Variants in TMEM50B observed in about 807,000 individuals in gnomAD.
TMEM50B encodes HCV p7-trans-regulated protein 3.
A neutral mutation model predicts 23.4 loss-of-function variants in TMEM50B; 14 were observed. The ratio of observed to expected loss-of-function variants is 0.60; its 90% CI spans 0.39 to 0.93. The LOEUF is 0.93. TMEM50B is among the 40% of genes least tolerant of loss of function. The probability of loss-of-function intolerance (pLI) is 0.00; values close to 1 mark genes in which losing one functional copy is unlikely to be tolerated. For synonymous variants in TMEM50B, 64 were observed against 62.3 expected, an observed-to-expected ratio of 1.03 and a Z score of -0.13; for missense variants, 159 against 193.0, an observed-to-expected ratio of 0.82 and a Z score of 1.04.
chr21:33,436,782 C>G (rs747875445), intron 8 of TMEM50B: 1 of 1,555,710 alleles, frequency 6.4e-7, no homozygotes, highest in Non-Finnish European at 8.9e-7. Flanking sequence ...GTCTGGTATA[C>G]TGAACTGGTA....
intron 1 of TMEM50B, among the ~76,000 whole-genome samples, chr21:33,474,160 T>A (rs1414587675): frequency 1.3e-5 from 2 of 151,350 alleles, no homozygotes; most frequent in African/African-American, 4.9e-5. Context: ...ATATACTGTA[T>A]CTCAACAAAG....
intron 8 of TMEM50B, chr21:33,432,809 T>G: frequency 6.2e-7 from 1 of 1,613,930 alleles, no homozygotes; most frequent in Non-Finnish European, 8.5e-7. Context: ...GGTCCTGAAA[T>G]ATAGAGGCCT....
At position 33,441,989 on chromosome 21, in the gene TMEM50B, G is replaced by A. The variant is rs1010661251; in HGVS notation, c.*2037-2692C>T. 2.1e-5 allele frequency among the ~76,000 whole-genome samples: 3 copies of A among 142,636 alleles called. No individual in the cohort carries two copies. The East Asian group carries it at 6.5e-4, about 31-fold the overall frequency. 93.6% of individuals were successfully genotyped at this position (142,636 alleles called of 152,430 possible). A position where few individuals can be genotyped will look rare whatever the true frequency, so the allele number is the denominator to read the frequency against. On this transcript the variant is annotated intron_variant and NMD_transcript_variant, in intron 7 of 8. Coordinates refer to the TMEM50B transcript ENST00000420455. ...TGAGAATCCTTCATGGCCTTCCCCA[G>A]CTCTATTTGTCAGGGTTTTTTATTT...
chr21:33,459,481 C>T (rs1000380602), intron 5 of TMEM50B, among the ~76,000 whole-genome samples: 17 of 151,982 alleles, frequency 1.1e-4, no homozygotes, highest in African/African-American at 3.9e-4. Context: ...GCCTGGCCAA[C>T]ATGGTGAAAC....
rs558288536 is a variant in TMEM50B, at chr21:33,455,515, A to G, written c.431+212T>C. 2.0e-5 allele frequency among the ~76,000 whole-genome samples: 3 copies of G among 152,298 alleles called. No individual in the cohort carries two copies. In the South Asian group the frequency reaches 6.2e-4, roughly 32 times the overall value. ...TGTGAATTCAAAGGGTAAAATATAT[A>G]AAGGATCCAGCTAAAGTCTTGATAC... On this transcript the variant is annotated intron_variant, in intron 6 of 6. Transcript: ENST00000542230.
In TMEM50B at chr21:33,457,782, A is replaced by G. The variant is rs144321248; in HGVS notation, c.374-1998T>C. ...ACTGTAAAGCTCATGGATCACTTCA[A>G]CTGCTAAAGTAAATAAGCAGGAAGC... On this transcript the variant is annotated intron_variant, in intron 5 of 6. Coordinates refer to ENST00000542230, the MANE Select transcript of TMEM50B (RefSeq NM_006134.7). 1.1e-3 allele frequency among the ~76,000 whole-genome samples: 161 copies of G among 152,272 alleles called. 1 individual carries two copies. Among genetic ancestry groups the G allele is most frequent in the African/African-American group, 3.5e-3 (147 of 41,542 alleles).
intron 8 of TMEM50B, chr21:33,437,077 G>C: frequency 1.9e-6 from 2 of 1,029,246 alleles, no homozygotes; most frequent in Non-Finnish European, 3.0e-6. Context: ...CCTCTAAAAG[G>C]CCTGTCCCTG....
At position 33,449,206 on chromosome 21, in the gene TMEM50B, T is replaced by A. The variant is rs2084094640; in HGVS notation, c.*1612A>T. 1 of 152,194 alleles carries A rather than the reference T, an allele frequency of 6.6e-6. No individual in the cohort carries two copies. The highest frequency in any genetic ancestry group is 6.5e-5 in the Admixed American group (1 of 15,272). The allele number at this position is 152,194 out of a possible 1,614,324, so 9.4% of individuals were successfully genotyped here. ...GAAACAAATAATTAGTCTTACAATT[T>A]GCTAGAAGCATGACAGAGCTTACTA... On this transcript the variant is annotated 3_prime_UTR_variant, in exon 7 of 7. Coordinates refer to ENST00000542230, the MANE Select transcript of TMEM50B (RefSeq NM_006134.7).
At chr21:33,455,605 AAAG>A in intron 6 of TMEM50B, 119 bp downstream of exon 6, 2 of 850,960 alleles carry the variant, frequency 2.4e-6, no homozygotes, top group Non-Finnish European at 3.8e-6. Flanking sequence ...TCACCTTTTA[AAAG>A]AAGTTCTATC....
At chr21:33,470,848 C>A (rs2084308942) in intron 1 of TMEM50B, among the ~76,000 whole-genome samples, 1 of 152,120 alleles carries the variant, frequency 6.6e-6, no homozygotes, top group Non-Finnish European at 1.5e-5. Context: ...CAAGATCACA[C>A]CACTGCACTC....
chr21:33,448,450 C>T (rs775699823), downstream of TMEM50B, among the ~76,000 whole-genome samples: 2 of 151,984 alleles, frequency 1.3e-5, no homozygotes, highest in Non-Finnish European at 2.9e-5. Flanking sequence ...TCACCCAGAA[C>T]AGCATAGTGA....
intron 1 of TMEM50B, among the ~76,000 whole-genome samples, chr21:33,473,063 A>G (rs574129470): frequency 9.2e-5 from 14 of 152,252 alleles, no homozygotes; most frequent in African/African-American, 3.4e-4. Context: ...AATACAACAT[A>G]TACAGAGACA....
At chr21:33,454,495 T>G (rs1360645641) in intron 6 of TMEM50B, among the ~76,000 whole-genome samples, 1 of 152,002 alleles carries the variant, frequency 6.6e-6, no homozygotes, top group Non-Finnish European at 1.5e-5. Flanking sequence ...GAGATGGGGT[T>G]TCACCATGTT....
At chr21:33,437,298 AGT>A in intron 8 of TMEM50B, 3 of 287,836 alleles carry the variant, frequency 1.0e-5, no homozygotes, top group South Asian at 7.2e-5. Context: ...TGGGCTGAGC[AGT>A]CAGAAGACCT....
chr21:33,438,046 A>T (rs2083974754), intron 8 of TMEM50B, among the ~76,000 whole-genome samples: 2 of 151,008 alleles, frequency 1.3e-5, no homozygotes, highest in African/African-American at 4.9e-5. Context: ...GCACTTTGGG[A>T]GGTCAAGATG....
At chr21:33,434,833 A>ATC (rs557935330) in intron 8 of TMEM50B, among the ~76,000 whole-genome samples, 7 of 152,048 alleles carry the variant, frequency 4.6e-5, no homozygotes, top group South Asian at 4.2e-4. Flanking sequence ...TGCAGTAATA[A>ATC]TCTCTCTCTC....
chr21:33,448,370 G>C (rs2084085339), downstream of TMEM50B, among the ~76,000 whole-genome samples: 1 of 152,122 alleles, frequency 6.6e-6, no homozygotes, highest in Non-Finnish European at 1.5e-5. Flanking sequence ...TTCAGGGTTG[G>C]GTGTGGTGGC....
rs532292460 is a variant in TMEM50B at position 33,479,937 on chromosome 21, C to G, written c.-141G>C. ...GCGTCCCGCGGCTCCACCTCAGCCC[C>G]GGGAGCCCGGAGCTGGGAGCAGACG... is the stretch of plus-strand genomic sequence containing the variant. On this transcript the variant is annotated 5_prime_UTR_variant, in exon 1 of 7. Coordinates refer to ENST00000542230, the MANE Select transcript of TMEM50B (RefSeq NM_006134.7). 6.6e-6 allele frequency: 1 copy of G among 152,316 alleles called. No individual in the cohort carries two copies. The highest frequency in any genetic ancestry group is 2.1e-4 in the South Asian group (1 of 4,830). The allele number at this position is 152,316 out of a possible 1,614,324, so 9.4% of individuals were successfully genotyped here. A position where few individuals can be genotyped will look rare whatever the true frequency, so the allele number is the denominator to read the frequency against.
intron 1 of TMEM50B, among the ~76,000 whole-genome samples, chr21:33,477,636 C>G (rs2084385814): frequency 7.1e-6 from 1 of 141,616 alleles, no homozygotes; most frequent in Non-Finnish European, 1.5e-5. Context: ...GTCAGGAGTT[C>G]GAGTCTCTAC....
Sources: allele counts gnomAD v4.1 joint callset (sites outside exome capture counted in the v4.1 genomes callset), GRCh38; gene constraint gnomAD v4.1.1; transcripts MANE v1.5; gene names NCBI Gene and HGNC (gene_info 2026-07-23, HGNC 2026-07-21).